The following ENAH variants were observed in gnomAD, a reference collection of about 807,000 sequenced individuals.
ENAH encodes protein enabled homolog.
ENAH carries 23 observed loss-of-function variants against 78.7 expected under a neutral mutation model. That is an observed-to-expected ratio of 0.29 (90% confidence interval 0.21 to 0.41). ENAH has a LOEUF of 0.41. Ranked by LOEUF, ENAH falls within the 10% of genes least tolerant of loss-of-function variation. The pLI is 1.00. For synonymous variants in ENAH, 226 were observed against 241.0 expected (o/e 0.94, Z 0.58); for missense variants, 544 against 691.0 (o/e 0.79, Z 2.39).
chr1:225,558,464 A>G (rs903167665), intron 2 of ENAH, among the ~76,000 whole-genome samples: 2 of 152,016 alleles, frequency 1.3e-5, no homozygotes, highest in South Asian at 2.1e-4. Context: ...GTAGCTCAAA[A>G]TATCTCCTTA....
chr1:225,598,061 CAT>C, intron 1 of ENAH, among the ~76,000 whole-genome samples: 1 of 151,910 alleles, frequency 6.6e-6, no homozygotes, highest in East Asian at 1.9e-4. Context: ...AGACAGTTAA[CAT>C]AAAGAACTGA....
At chr1:225,525,060 C>T (rs976545415) in intron 4 of ENAH, among the ~76,000 whole-genome samples, 9 of 152,240 alleles carry the variant, frequency 5.9e-5, no homozygotes, top group East Asian at 1.9e-4. Flanking sequence ...CTCTTACTAA[C>T]GCTCACCACT....
intron 1 of ENAH, among the ~76,000 whole-genome samples, chr1:225,615,869 C>CA (rs2097028027): frequency 6.8e-6 from 1 of 148,122 alleles, no homozygotes; most frequent in African/African-American, 2.7e-5. Flanking sequence ...ATGACGATGG[C>CA]GGTTTTGTCG....
At chr1:225,509,822 A>C (rs749634888) in intron 10 of ENAH, among the ~76,000 whole-genome samples, 2 of 152,112 alleles carry the variant, frequency 1.3e-5, no homozygotes, top group African/African-American at 2.4e-5. Flanking sequence ...CCTATTTCCT[A>C]ATCTCTTCTT....
intron 1 of ENAH, among the ~76,000 whole-genome samples, chr1:225,644,398 T>C (rs745752167): frequency 1.3e-5 from 2 of 152,232 alleles, no homozygotes; most frequent in Non-Finnish European, 2.9e-5. Flanking sequence ...ACATAAATCT[T>C]AAATTGTTAA....
intron 1 of ENAH, among the ~76,000 whole-genome samples, chr1:225,607,412 C>A (rs1000823605): frequency 1.4e-4 from 21 of 150,528 alleles, no homozygotes; most frequent in Non-Finnish European, 2.8e-4. Context: ...AGGTAACTGA[C>A]TTAGTAGGCT....
chr1:225,496,825 A>T lies in ENAH; in HGVS notation c.*950T>A, dbSNP rs2096251853. 6.6e-6 allele frequency: 1 copy of T among 152,632 alleles called. No individual in the cohort carries two copies. Among genetic ancestry groups the T allele is most frequent in the Admixed American group, 6.5e-5 (1 of 15,276 alleles). The allele number at this position is 152,632 out of a possible 1,614,324, so 9.5% of individuals were successfully genotyped here. On this transcript the variant is annotated 3_prime_UTR_variant, in exon 14 of 14. Transcript: ENST00000366843. ...CCTTCCTCCCACTCCCCTATACTCT[A>T]CAAAATGTTTTCCCTGGGACTAGGC...
chr1:225,521,641 C>CAAAA (rs559523159), intron 4 of ENAH, among the ~76,000 whole-genome samples: 1 of 69,368 alleles, frequency 1.4e-5, no homozygotes, highest in Non-Finnish European at 3.6e-5. Flanking sequence ...ACCCTGTCTC[C>CAAAA]AAAAAAAAAA....
chr1:225,574,990 G>T (rs1363238143), intron 1 of ENAH, among the ~76,000 whole-genome samples: 2 of 151,762 alleles, frequency 1.3e-5, no homozygotes, highest in African/African-American at 4.8e-5. Context: ...TCTCAAATAG[G>T]AAAGTGAACA....
At chr1:225,624,857 A>T (rs905496993) in intron 1 of ENAH, among the ~76,000 whole-genome samples, 1 of 152,148 alleles carries the variant, frequency 6.6e-6, no homozygotes, top group Non-Finnish European at 1.5e-5. Flanking sequence ...CACAGGGTTG[A>T]TTCTTCCCAG....
At chr1:225,647,855 C>T (rs934089643) in intron 1 of ENAH, among the ~76,000 whole-genome samples, 5 of 152,050 alleles carry the variant, frequency 3.3e-5, no homozygotes, top group Admixed American at 6.5e-5. Flanking sequence ...TATAAAAATG[C>T]TAGTATTTTG....
At chr1:225,538,580 C>T (rs909720440) in intron 3 of ENAH, among the ~76,000 whole-genome samples, 1 of 146,958 alleles carries the variant, frequency 6.8e-6, no homozygotes, top group Admixed American at 6.8e-5. Context: ...TTTCACTCAA[C>T]CTTAAGGCAA....
intron 7 of ENAH, among the ~76,000 whole-genome samples, chr1:225,513,514 T>G (rs1327185001): frequency 6.6e-6 from 1 of 152,244 alleles, no homozygotes; most frequent in Non-Finnish European, 1.5e-5. Context: ...GTCATTGGAC[T>G]ATAGATGAAA....
At chr1:225,633,174 C>G (rs935809721) in intron 1 of ENAH, among the ~76,000 whole-genome samples, 2 of 151,830 alleles carry the variant, frequency 1.3e-5, no homozygotes, top group African/African-American at 4.8e-5. Context: ...TCCTGAATAG[C>G]TGGAACTACA....
chr1:225,509,382 C>G (rs1383605878), intron 10 of ENAH, among the ~76,000 whole-genome samples: 1 of 152,196 alleles, frequency 6.6e-6, no homozygotes, highest in African/African-American at 2.4e-5. Flanking sequence ...CTTTTAACAG[C>G]TGGCTGAGGT....
Position 225,652,692 on chromosome 1 carries a change from G to A in ENAH, c.-2C>T, listed in dbSNP as rs535990558. On this transcript the variant is annotated 5_prime_UTR_variant, in exon 1 of 14. Coordinates refer to ENST00000366843, the MANE Select transcript of ENAH (RefSeq NM_018212.6). The stretch of plus-strand genomic sequence containing the variant: ...CGCCCCGCGCGCCCCTCACCTCATG[G>A]TGCCGGCGGCGCAGAGGCTTCCCCA... 3 of 1,319,974 alleles carry A rather than the reference G, an allele frequency of 2.3e-6. No homozygotes were observed. The highest frequency in any genetic ancestry group is 4.3e-5 in the South Asian group (2 of 46,764). 81.8% of individuals were successfully genotyped at this position (1,319,974 alleles called of 1,614,324 possible). A position where few individuals can be genotyped will look rare whatever the true frequency, so the allele number is the denominator to read the frequency against.
chr1:225,512,150 G>C (rs979975352), intron 9 of ENAH, among the ~76,000 whole-genome samples: 2 of 152,160 alleles, frequency 1.3e-5, no homozygotes, highest in Non-Finnish European at 2.9e-5. Flanking sequence ...ATCTAAGGTG[G>C]CCAGATGGAG....
chr1:225,580,304 T>A (rs921344600), intron 1 of ENAH: 1 of 152,014 alleles, frequency 6.6e-6, no homozygotes. Context: ...GAGACAATTA[T>A]CAGGAATAAA....
chr1:225,576,233 G>A (rs1244912097), intron 1 of ENAH, among the ~76,000 whole-genome samples: 1 of 145,790 alleles, frequency 6.9e-6, no homozygotes, highest in Non-Finnish European at 1.5e-5. Context: ...TCATGATCAT[G>A]TCACTGCACT....
Sources: gnomAD v4.1 joint callset for allele counts (sites outside exome capture counted in the v4.1 genomes callset) on GRCh38, gnomAD v4.1.1 for gene constraint, MANE v1.5 for transcripts, NCBI Gene and HGNC (gene_info 2026-07-23, HGNC 2026-07-21) for gene names.